Variants in ACVR1 observed in about 807,000 individuals in gnomAD.
ACVR1 encodes the protein activin A receptor type 1.
A neutral mutation model predicts 57.1 loss-of-function variants in ACVR1; 38 were observed. The observed-to-expected ratio is 0.67, with a 90% CI of 0.51 to 0.87. ACVR1 has a LOEUF of 0.87. Ranked by LOEUF, ACVR1 falls within the 40% of genes least tolerant of loss-of-function variation. The pLI is 0.00. For synonymous variants in ACVR1, 212 were observed against 228.1 expected, an observed-to-expected ratio of 0.93 and a Z score of 0.63; for missense variants, 463 against 638.2, an observed-to-expected ratio of 0.73 and a Z score of 2.96.
intron 1 of ACVR1, among the ~76,000 whole-genome samples, chr2:157,872,342 T>C (rs1214795166): frequency 6.6e-6 from 1 of 152,228 alleles, no homozygotes; most frequent in African/African-American, 2.4e-5. Context: ...CAGCTCTGAA[T>C]GGTCACACCT....
chr2:157,738,301 C>A (rs1449853739), intron 10 of ACVR1, 139 bp downstream of exon 10: 4 of 1,314,506 alleles, frequency 3.0e-6, no homozygotes, highest in Admixed American at 1.8e-5. Flanking sequence ...TAGATCTAAA[C>A]CCTTCTATAT....
At position 157,867,631 on chromosome 2, in the gene ACVR1, A is replaced by G. The variant is rs182798870; in HGVS notation, c.-183+8165T>C. On this transcript the variant is annotated intron_variant, in intron 1 of 10. Coordinates refer to ENST00000434821, the MANE Select transcript of ACVR1 (RefSeq NM_001111067.4). Reference sequence around the variant, plus strand: ...GTTGCAGGAGCAGCTGGACATTTCGATTTTTTTTTTATGAAAATGTCCCCC... The same window carrying G: ...GTTGCAGGAGCAGCTGGACATTTCGGTTTTTTTTTTATGAAAATGTCCCCC... Among the ~76,000 whole-genome samples, 539 of 148,314 alleles carry G rather than the reference A, an allele frequency of 3.6e-3. 6 individuals carry two copies. The highest frequency in any genetic ancestry group is 0.013 in the African/African-American group (520 of 40,384).
At chr2:157,774,317 T>C (rs1156401563) in intron 5 of ACVR1, 130 bp from the exon 6 acceptor site, 2 of 737,318 alleles carry the variant, frequency 2.7e-6, no homozygotes, top group African/African-American at 1.7e-5. Flanking sequence ...TTAGTGTACA[T>C]GTAAAGCTCC....
At chr2:157,832,982 C>A (rs893838203) in intron 1 of ACVR1, among the ~76,000 whole-genome samples, 2 of 152,300 alleles carry the variant, frequency 1.3e-5, no homozygotes, top group South Asian at 2.1e-4. Flanking sequence ...TTCTTCATAG[C>A]CATTTTAACA....
In ACVR1 at chr2:157,851,247, G is replaced by C. The variant is rs142468469; in HGVS notation, c.-183+24549C>G. Among the ~76,000 whole-genome samples the C allele has an allele frequency of 7.7e-3, 1,168 of 152,214 alleles. 17 individuals carry two copies. The highest frequency in any genetic ancestry group is 0.027 in the African/African-American group (1,112 of 41,532). ...AAGCAGACAAGGAGAGGTTGAGGAA[G>C]ACAGGACCTAGCAGTACCATCTATG... On this transcript the variant is annotated intron_variant, in intron 1 of 10. Transcript: ENST00000434821.
intron 1 of ACVR1, among the ~76,000 whole-genome samples, chr2:157,824,398 C>G (rs1426538588): frequency 6.6e-6 from 1 of 152,096 alleles, no homozygotes; most frequent in African/African-American, 2.4e-5. Context: ...AGCCCAGGAG[C>G]TCGAGGCTAC....
intron 9 of ACVR1, among the ~76,000 whole-genome samples, chr2:157,758,034 C>G (rs1685503145): frequency 6.6e-6 from 1 of 151,872 alleles, no homozygotes; most frequent in Non-Finnish European, 1.5e-5. Flanking sequence ...AAAATATAGA[C>G]TTGGTTAAAT....
chr2:157,797,480 A>G (rs1400852124), intron 3 of ACVR1, among the ~76,000 whole-genome samples: 1 of 152,234 alleles, frequency 6.6e-6, no homozygotes, highest in Non-Finnish European at 1.5e-5. Flanking sequence ...GAACACTTGT[A>G]AAATAAAGTG....
chr2:157,806,717 T>A (rs756532233), intron 2 of ACVR1: 1 of 152,194 alleles, frequency 6.6e-6, no homozygotes, highest in Non-Finnish European at 1.5e-5. Context: ...CAAAGAAAGG[T>A]TAAACCGAAG....
At chr2:157,839,255 G>C (rs748899055) in intron 1 of ACVR1, among the ~76,000 whole-genome samples, 3 of 152,094 alleles carry the variant, frequency 2.0e-5, no homozygotes, top group African/African-American at 7.2e-5. Flanking sequence ...GGCCTCTCTC[G>C]GGTCTCGCCT....
chr2:157,768,175 T>C (rs1685939424), intron 7 of ACVR1, among the ~76,000 whole-genome samples: 1 of 152,098 alleles, frequency 6.6e-6, no homozygotes, highest in African/African-American at 2.4e-5. Context: ...TCTAAGCCTA[T>C]TCCCATGGCC....
chr2:157,750,570 C>T (rs964188876), intron 9 of ACVR1, among the ~76,000 whole-genome samples: 2 of 151,838 alleles, frequency 1.3e-5, no homozygotes, highest in African/African-American at 4.8e-5. Context: ...AACCAAAGCG[C>T]CCTACCAACC....
At chr2:157,822,653 T>C (rs531766330) in intron 1 of ACVR1, among the ~76,000 whole-genome samples, 1 of 152,354 alleles carries the variant, frequency 6.6e-6, no homozygotes, top group East Asian at 1.9e-4. Flanking sequence ...TGAACATTAT[T>C]GGATGTTATG....
intron 2 of ACVR1, among the ~76,000 whole-genome samples, chr2:157,812,762 T>A (rs2105322513): frequency 6.6e-6 from 1 of 152,316 alleles, no homozygotes. Flanking sequence ...GAAGAAATTG[T>A]TTTTACAAGT....
intron 9 of ACVR1, among the ~76,000 whole-genome samples, chr2:157,756,572 T>C (rs1463899750): frequency 2.0e-5 from 3 of 152,030 alleles, no homozygotes; most frequent in Admixed American, 6.6e-5. Flanking sequence ...ACATCTCTAA[T>C]GATCAGGGAA....
intron 2 of ACVR1, among the ~76,000 whole-genome samples, chr2:157,800,372 A>G (rs1479134755): frequency 6.6e-6 from 1 of 152,144 alleles, no homozygotes; most frequent in Non-Finnish European, 1.5e-5. Context: ...TCACAGCTGT[A>G]ATCCCAGTAC....
At chr2:157,759,445 G>C (rs963643328) in intron 9 of ACVR1, among the ~76,000 whole-genome samples, 2 of 152,024 alleles carry the variant, frequency 1.3e-5, no homozygotes, top group Non-Finnish European at 2.9e-5. Context: ...TGAATAACAA[G>C]ATGGAGTCGG....
chr2:157,780,081 A>C (rs750018628), intron 4 of ACVR1, among the ~76,000 whole-genome samples: 1 of 152,242 alleles, frequency 6.6e-6, no homozygotes, highest in East Asian at 1.9e-4. Context: ...ACCAAGAGAA[A>C]GCTAACTGGT....
At chr2:157,828,783 T>C (rs1574120003) in intron 1 of ACVR1, among the ~76,000 whole-genome samples, 2 of 151,822 alleles carry the variant, frequency 1.3e-5, no homozygotes, top group Non-Finnish European at 2.9e-5. Flanking sequence ...TGTTTGTTTT[T>C]TGAGACAGAG....
Sources: allele counts gnomAD v4.1 joint callset (sites outside exome capture counted in the v4.1 genomes callset), GRCh38; gene constraint gnomAD v4.1.1; transcripts MANE v1.5; gene names NCBI Gene and HGNC (gene_info 2026-07-23, HGNC 2026-07-21).